Variants in CHLSN observed in about 807,000 individuals in gnomAD.
CHLSN encodes the protein cholesin.
the CHLSN span, among the ~76,000 whole-genome samples, chr7:1,008,011 G>A: frequency 2.6e-5 from 4 of 152,178 alleles, no homozygotes; most frequent in Non-Finnish European, 5.9e-5. Flanking sequence ...CACACTGAGA[G>A]CAGCGGAAGG....
the CHLSN span, among the ~76,000 whole-genome samples, chr7:1,078,763 C>G: frequency 6.6e-6 from 1 of 152,258 alleles, no homozygotes; most frequent in Non-Finnish European, 1.5e-5. Flanking sequence ...CCACTGGGAC[C>G]CCGGGACAGT....
the CHLSN span, among the ~76,000 whole-genome samples, chr7:1,124,408 G>A: frequency 4.0e-5 from 6 of 151,630 alleles, no homozygotes; most frequent in Non-Finnish European, 7.4e-5. Context: ...CACCAAAGTC[G>A]TGTGTGCCTG....
the CHLSN span, chr7:1,057,403 C>T: frequency 4.9e-6 from 3 of 609,560 alleles, no homozygotes. Flanking sequence ...ATTACTGCAC[C>T]AGGAGAAGGC....
the CHLSN span, among the ~76,000 whole-genome samples, chr7:1,010,845 C>T: frequency 7.9e-5 from 12 of 152,294 alleles, 1 homozygote; most frequent in South Asian, 1.2e-3. Flanking sequence ...CCGCTGTCCA[C>T]ATGCTTCGTC....
At chr7:1,130,815 G>A in the CHLSN span, among the ~76,000 whole-genome samples, 2 of 152,200 alleles carry the variant, frequency 1.3e-5, no homozygotes, top group African/African-American at 4.8e-5. Flanking sequence ...ACGGCCTCCA[G>A]CCCGGACGGC....
At chr7:980,577 G>T in the CHLSN span, among the ~76,000 whole-genome samples, 46 of 152,180 alleles carry the variant, frequency 3.0e-4, no homozygotes, top group East Asian at 7.7e-3. Flanking sequence ...CCTAAGATTG[G>T]AAACAATGTA....
chr7:1,010,746 A>C, the CHLSN span, among the ~76,000 whole-genome samples: 1 of 152,004 alleles, frequency 6.6e-6, no homozygotes, highest in Non-Finnish European at 1.5e-5. Flanking sequence ...CGTCTTGCCC[A>C]CCCTCCCCTC....
chr7:1,034,647 T>C, the CHLSN span, among the ~76,000 whole-genome samples: 1 of 152,214 alleles, frequency 6.6e-6, no homozygotes, highest in African/African-American at 2.4e-5. Context: ...GGGGTGCCTG[T>C]GCAGGTTTGT....
the CHLSN span, chr7:985,161 C>T: frequency 1.2e-4 from 186 of 1,586,928 alleles, no homozygotes; most frequent in Admixed American, 2.4e-4. Context: ...CCGTCTCCCT[C>T]GCAGGCCGGC....
the CHLSN span, among the ~76,000 whole-genome samples, chr7:1,000,250 C>T: frequency 9.2e-5 from 14 of 152,094 alleles, no homozygotes; most frequent in South Asian, 2.1e-4. Flanking sequence ...GTGCCTGCCC[C>T]GCCGTGCACA....
the CHLSN span, among the ~76,000 whole-genome samples, chr7:1,131,416 C>T: frequency 6.6e-6 from 1 of 152,268 alleles, no homozygotes; most frequent in South Asian, 2.1e-4. Flanking sequence ...AGAGCAAAGG[C>T]CCTGTCCAAA....
chr7:1,084,277 C>T, the CHLSN span, among the ~76,000 whole-genome samples: 1 of 152,216 alleles, frequency 6.6e-6, no homozygotes, highest in Non-Finnish European at 1.5e-5. Flanking sequence ...CACGCGGAGG[C>T]GGGGGACGCC....
chr7:1,037,354 G>A, the CHLSN span, among the ~76,000 whole-genome samples: 1 of 135,492 alleles, frequency 7.4e-6, no homozygotes, highest in East Asian at 2.0e-4. Flanking sequence ...CAACCTCCCT[G>A]CCTGATTCTC....
the CHLSN span, among the ~76,000 whole-genome samples, chr7:984,767 CG>C: frequency 2.8e-4 from 42 of 152,278 alleles, no homozygotes; most frequent in African/African-American, 9.1e-4. Context: ...AACCAGCAAG[CG>C]GGGTTCTTTT....
At chr7:986,907 C>G in the CHLSN span, 1 of 1,355,784 alleles carries the variant, frequency 7.4e-7, no homozygotes, top group Non-Finnish European at 9.7e-7. Flanking sequence ...AGCTCCCTAC[C>G]TCCTGGCTGG....
the CHLSN span, among the ~76,000 whole-genome samples, chr7:1,064,009 C>T: frequency 6.6e-6 from 1 of 152,026 alleles, no homozygotes; most frequent in Non-Finnish European, 1.5e-5. Flanking sequence ...GGACTAGCCA[C>T]ACTCAAAACT....
chr7:1,082,518 C>T, the CHLSN span, among the ~76,000 whole-genome samples: 7 of 152,230 alleles, frequency 4.6e-5, no homozygotes, highest in Admixed American at 1.3e-4. Context: ...CTGTGAGTGG[C>T]TGGGACGGGC....
the CHLSN span, among the ~76,000 whole-genome samples, chr7:1,052,912 T>G: frequency 6.6e-6 from 1 of 152,180 alleles, no homozygotes; most frequent in Admixed American, 6.5e-5. The surrounding 1 kb of genome is among the most constrained non-coding windows in gnomAD (Gnocchi z 4.2). Context: ...AAACTCAGGC[T>G]TTCGTGTAGG....
chr7:1,057,351 C>T, the CHLSN span: 2 of 592,336 alleles, frequency 3.4e-6, no homozygotes, highest in Non-Finnish European at 6.0e-6. Context: ...TTCACTTTCA[C>T]AGAAATGCAC....
Sources: gnomAD v4.1 joint callset for allele counts (sites outside exome capture counted in the v4.1 genomes callset) on GRCh38, gnomAD v4.1.1 for gene constraint, Gnocchi (gnomAD v3.1) non-coding constraint, MANE v1.5 for transcripts, NCBI Gene and HGNC (gene_info 2026-07-23, HGNC 2026-07-21) for gene names.